The following TECR variants were observed in gnomAD, a reference collection of about 807,000 sequenced individuals.
The protein encoded by TECR is very-long-chain enoyl-CoA reductase.
A neutral mutation model predicts 50.6 loss-of-function variants in TECR; 19 were observed. That is an observed-to-expected ratio of 0.38 (90% CI 0.26 to 0.55). TECR has a LOEUF of 0.55. TECR is among the 20% of genes least tolerant of loss of function. TECR has a pLI of 0.79. For missense variants in TECR, 313 were observed against 408.3 expected, an observed-to-expected ratio of 0.77 and a Z score of 2.01; for synonymous variants, 168 against 163.5, an observed-to-expected ratio of 1.03 and a Z score of -0.21.
At chr19:14,552,866 C>T (rs1299568093) in intron 1 of TECR, among the ~76,000 whole-genome samples, 1 of 152,008 alleles carries the variant, frequency 6.6e-6, no homozygotes, top group Non-Finnish European at 1.5e-5. Flanking sequence ...CTGGGTGAGG[C>T]CTGGGTGGCA....
intron 1 of TECR, among the ~76,000 whole-genome samples, chr19:14,535,289 C>T (rs1214918354): frequency 6.6e-6 from 1 of 151,182 alleles, no homozygotes; most frequent in African/African-American, 2.4e-5. Flanking sequence ...GGGTGAATCA[C>T]GAGGCCAGGA....
chr19:14,565,933 C>G lies in TECR; in HGVS notation c.*62C>G, dbSNP rs771485406. 31 of 1,541,568 alleles carry G rather than the reference C, an allele frequency of 2.0e-5. No individual in the cohort carries two copies. In the Admixed American group the frequency reaches 6.0e-4, roughly 30 times the overall value. ...GTGGCATTCTGGGGGAGGAGTGGGG[C>G]CCACAGCTCTCCAGCACCCGGAATA... On this transcript the variant is annotated 3_prime_UTR_variant, in exon 13 of 13. Coordinates refer to ENST00000215567, the MANE Select transcript of TECR (RefSeq NM_138501.6).
intron 1 of TECR, chr19:14,530,299 C>G (rs995150417): frequency 6.3e-5 from 10 of 158,598 alleles, no homozygotes; most frequent in Non-Finnish European, 1.3e-4. Flanking sequence ...AAGGAGAAAT[C>G]TTATACCCAC....
At chr19:14,535,711 G>A (rs2072873974) in intron 1 of TECR, among the ~76,000 whole-genome samples, 1 of 126,484 alleles carries the variant, frequency 7.9e-6, no homozygotes, top group Non-Finnish European at 1.6e-5. Flanking sequence ...AGCTGAGATC[G>A]CACCACTGCA....
intron 1 of TECR, among the ~76,000 whole-genome samples, chr19:14,537,744 G>GTTTTTT (rs533380690): frequency 3.2e-5 from 4 of 126,268 alleles, no homozygotes; most frequent in Non-Finnish European, 3.3e-5. Context: ...AATTATCAGT[G>GTTTTTT]TTTTTTTTTT....
chr19:14,549,211 C>CTTTA (rs2073406060), intron 1 of TECR, among the ~76,000 whole-genome samples: 1 of 111,162 alleles, frequency 9.0e-6, no homozygotes, highest in Admixed American at 1.0e-4. Context: ...TTTAATTGGA[C>CTTTA]TTTTTTTTTT....
chr19:14,556,425 C>CAAAAACAAAAACA (rs1455343160), intron 1 of TECR, among the ~76,000 whole-genome samples: 1 of 150,252 alleles, frequency 6.7e-6, no homozygotes, highest in African/African-American at 2.5e-5. Flanking sequence ...AAAACAAAAA[C>CAAAAACAAAAACA]AAAAAAAACC....
intron 1 of TECR, chr19:14,531,249 C>T (rs2072644439): frequency 6.6e-6 from 1 of 151,276 alleles, no homozygotes; most frequent in South Asian, 2.1e-4. Flanking sequence ...GTTGACCAGG[C>T]TGGCCTCAAA....
chr19:14,535,856 G>C (rs1417859159), intron 1 of TECR, among the ~76,000 whole-genome samples: 1 of 151,390 alleles, frequency 6.6e-6, no homozygotes, highest in Non-Finnish European at 1.5e-5. Flanking sequence ...AAGATCCTGA[G>C]GGGGTTGGAG....
At chr19:14,562,613 C>G in intron 2 of TECR, 38 bp downstream of exon 2, 1 of 1,612,042 alleles carries the variant, frequency 6.2e-7, no homozygotes, top group Non-Finnish European at 8.5e-7. Context: ...GCCAAGGGCA[C>G]TGGGCCCGGG....
chr19:14,533,997 C>G (rs568084868), intron 1 of TECR: 11 of 152,250 alleles, frequency 7.2e-5, no homozygotes, highest in African/African-American at 2.6e-4. Context: ...TGTAATTGAG[C>G]CTGTTAATTC....
intron 1 of TECR, among the ~76,000 whole-genome samples, chr19:14,538,223 T>G (rs2072973636): frequency 6.6e-6 from 1 of 152,136 alleles, no homozygotes; most frequent in Non-Finnish European, 1.5e-5. Flanking sequence ...GGCTTTGCTG[T>G]GGGTCGTGCA....
chr19:14,534,431 T>A (rs2072790094), intron 1 of TECR, among the ~76,000 whole-genome samples: 1 of 90,550 alleles, frequency 1.1e-5, no homozygotes, highest in Non-Finnish European at 2.2e-5. Context: ...GCCTTTTTTT[T>A]TTTTTTTTTT....
At chr19:14,565,581 G>A (rs752987234) in intron 11 of TECR, 37 bp from the exon 12 acceptor site, 4 of 1,598,262 alleles carry the variant, frequency 2.5e-6, no homozygotes, top group Non-Finnish European at 3.4e-6. Flanking sequence ...CACGGGTTGC[G>A]AGGCTGCCCA....
intron 7 of TECR, 77 bp from the exon 8 acceptor site, chr19:14,564,709 C>T: frequency 6.7e-7 from 1 of 1,498,868 alleles, no homozygotes; most frequent in South Asian, 1.1e-5. Context: ...CTCCCAGGCC[C>T]CTCGGGATGA....
chr19:14,557,532 A>G (rs1220450204), intron 1 of TECR, among the ~76,000 whole-genome samples: 1 of 134,214 alleles, frequency 7.5e-6, no homozygotes, highest in Non-Finnish European at 1.6e-5. Context: ...GCTCACTGCA[A>G]CCTCCTCCTC....
chr19:14,562,252 C>A (rs2073925278), intron 1 of TECR: 1 of 604,862 alleles, frequency 1.7e-6, no homozygotes, highest in South Asian at 2.0e-5. Flanking sequence ...GGGCTCCTTT[C>A]CAGCACCGCG....
At position 14,533,522 on chromosome 19, in the gene TECR, T is replaced by C. The variant is rs1279345554; in HGVS notation, c.15+3811T>C. Among the ~76,000 whole-genome samples the C allele has an allele frequency of 2.6e-5, 4 of 152,130 alleles. No homozygotes were observed. In the East Asian group the frequency reaches 7.7e-4, roughly 29 times the overall value. On this transcript the variant is annotated intron_variant, in intron 1 of 12. Coordinates refer to ENST00000215567, the MANE Select transcript of TECR (RefSeq NM_138501.6). ...TGAAAGGTTGGCCCCTGGAGAGACC[T>C]TGGAGATTATGAAGTGCAGTTTACA...
intron 1 of TECR, chr19:14,529,957 G>C (rs1205972158): frequency 1.0e-5 from 6 of 589,722 alleles, no homozygotes; most frequent in Non-Finnish European, 1.8e-5. Flanking sequence ...TCTCTGCAGG[G>C]GCTGGGACGC....
Sources: gnomAD v4.1 joint callset for allele counts (sites outside exome capture counted in the v4.1 genomes callset) on GRCh38, gnomAD v4.1.1 for gene constraint, MANE v1.5 for transcripts, NCBI Gene and HGNC (gene_info 2026-07-23, HGNC 2026-07-21) for gene names.